CAPZA2: variants seen among roughly 807,000 people sequenced by gnomAD.
The protein encoded by CAPZA2 is F-actin-capping protein subunit alpha-2.
CAPZA2 carries 13 observed loss-of-function variants against 44.0 expected under a neutral mutation model. The ratio of observed to expected loss-of-function variants is 0.30; its 90% CI spans 0.19 to 0.47. The LOEUF is 0.47. CAPZA2 is among the 20% of genes least tolerant of loss of function. The pLI is 1.00. For missense variants in CAPZA2, 244 were observed against 338.6 expected, an observed-to-expected ratio of 0.72 and a Z score of 2.19; for synonymous variants, 94 against 108.2, an observed-to-expected ratio of 0.87 and a Z score of 0.81.
chr7:116,903,819 T>G (rs1797026016), intron 4 of CAPZA2, among the ~76,000 whole-genome samples: 1 of 152,186 alleles, frequency 6.6e-6, no homozygotes. Context: ...TTCTCACAAG[T>G]TCTGTAGTTT....
At chr7:116,867,538 T>C (rs1396043406) in intron 1 of CAPZA2, among the ~76,000 whole-genome samples, 2 of 152,028 alleles carry the variant, frequency 1.3e-5, no homozygotes, top group Non-Finnish European at 1.5e-5. Flanking sequence ...GTGCTGTGAA[T>C]TTAGAGAGAC....
chr7:116,899,800 A>G (rs1796972617), intron 4 of CAPZA2, among the ~76,000 whole-genome samples: 1 of 151,660 alleles, frequency 6.6e-6, no homozygotes, highest in Admixed American at 6.6e-5. Context: ...GATAGCCTCC[A>G]AAGTCACTTT....
intron 7 of CAPZA2, among the ~76,000 whole-genome samples, chr7:116,910,934 T>C (rs1377008718): frequency 7.3e-6 from 1 of 136,336 alleles, no homozygotes; most frequent in Non-Finnish European, 1.5e-5. Context: ...GAGGTTGCAG[T>C]GAGCCGAGAT....
intron 1 of CAPZA2, among the ~76,000 whole-genome samples, chr7:116,863,157 C>G (rs1252053822): frequency 6.6e-6 from 1 of 152,224 alleles, no homozygotes; most frequent in African/African-American, 2.4e-5. Flanking sequence ...CTCCCTTCTA[C>G]TTCCCCCTCC....
intron 1 of CAPZA2, among the ~76,000 whole-genome samples, chr7:116,881,738 C>CA (rs71148338): frequency 0.26 from 11,995 of 46,788 alleles, 1,442 homozygotes; most frequent in East Asian, 0.44. Flanking sequence ...GACTCTGTCT[C>CA]AAAAAAAAAA....
rs1434099075 is a variant in CAPZA2 at position 116,901,470 on chromosome 7, A to G, written c.219+2635A>G. 3.3e-5 allele frequency among the ~76,000 whole-genome samples: 5 copies of G among 152,116 alleles called. No homozygotes were observed. The South Asian group carries it at 8.3e-4, about 25-fold the overall frequency. Reference sequence around the variant, plus strand: ...TAGTGGGAGATAATGATGAGAACACATGACACATAGAGGGGAACAAAACAC... The same window carrying G: ...TAGTGGGAGATAATGATGAGAACACGTGACACATAGAGGGGAACAAAACAC... On this transcript the variant is annotated intron_variant, in intron 4 of 9. Transcript: ENST00000361183.
chr7:116,897,237 T>G (rs1796939747), intron 3 of CAPZA2, among the ~76,000 whole-genome samples: 1 of 152,206 alleles, frequency 6.6e-6, no homozygotes. Flanking sequence ...TTAAACATAC[T>G]TTTGGGATAA....
chr7:116,904,485 T>A, intron 5 of CAPZA2, 102 bp downstream of exon 5: 1 of 701,764 alleles, frequency 1.4e-6, no homozygotes, highest in Non-Finnish European at 2.4e-6. Context: ...ATTGTATAAT[T>A]TGTCATTTTT....
At chr7:116,877,039 C>G (rs952847492) in intron 1 of CAPZA2, among the ~76,000 whole-genome samples, 1 of 152,150 alleles carries the variant, frequency 6.6e-6, no homozygotes, top group Non-Finnish European at 1.5e-5. Flanking sequence ...TGTCTGTTCC[C>G]TGTGATAAAA....
rs1367227951 is a variant in CAPZA2 at position 116,863,449 on chromosome 7, A to C, written c.39+799A>C. Among the ~76,000 whole-genome samples the C allele has an allele frequency of 2.6e-5, 4 of 152,082 alleles. No individual in the cohort carries two copies. The East Asian group carries it at 7.7e-4, about 29-fold the overall frequency. On this transcript the variant is annotated intron_variant, in intron 1 of 9. Coordinates refer to ENST00000361183, the MANE Select transcript of CAPZA2 (RefSeq NM_006136.3). ...TCTTCCGAAGAGGGGAAAATGTGCA[A>C]CTCCTTTTACTGTATATTAGATGCT...
At chr7:116,872,007 T>C (rs1416514166) in intron 1 of CAPZA2, among the ~76,000 whole-genome samples, 1 of 152,098 alleles carries the variant, frequency 6.6e-6, no homozygotes, top group Non-Finnish European at 1.5e-5. Flanking sequence ...TTGTTGTTGT[T>C]GTTTTAAAGC....
chr7:116,888,305 A>C (rs1352952662), intron 2 of CAPZA2, 115 bp downstream of exon 2: 5 of 639,430 alleles, frequency 7.8e-6, no homozygotes, highest in Non-Finnish European at 1.3e-5. Context: ...TGTTTTCTGA[A>C]TTACAATGAC....
Position 116,918,371 on chromosome 7 carries a change from G to A in CAPZA2, c.*504G>A, listed in dbSNP as rs1791713072. The stretch of plus-strand genomic sequence containing the variant: ...ATTTATGTAAAGTTGAGATTAGAGG[G>A]AAAGCATTTTCTATATCAATTGTGT... On this transcript the variant is annotated 3_prime_UTR_variant, in exon 10 of 10. Coordinates refer to ENST00000361183, the MANE Select transcript of CAPZA2 (RefSeq NM_006136.3). The A allele has an allele frequency of 6.5e-6, 1 of 153,624 alleles. No homozygotes were observed. Among genetic ancestry groups the A allele is most frequent in the Non-Finnish European group, 1.5e-5 (1 of 68,700 alleles). 9.5% of individuals were successfully genotyped at this position (153,624 alleles called of 1,614,324 possible).
intron 1 of CAPZA2, among the ~76,000 whole-genome samples, chr7:116,881,960 TG>T (rs768359928): frequency 2.6e-5 from 4 of 152,154 alleles, no homozygotes; most frequent in Non-Finnish European, 5.9e-5. Context: ...AAGTTTAGTT[TG>T]TTTCCTGATA....
In CAPZA2 at chr7:116,916,265, A is replaced by T. The variant is rs180957494; in HGVS notation, c.720+143A>T. On this transcript the variant is annotated intron_variant, in intron 9 of 9. Transcript: ENST00000361183. Reference sequence around the variant, plus strand: ...GTGTCTGCTTTTAACACAAAGGCAGACTTACTAATGTGTAGGCAAAAAGAG... The same window carrying T: ...GTGTCTGCTTTTAACACAAAGGCAGTCTTACTAATGTGTAGGCAAAAAGAG... 197 of 793,138 alleles carry T rather than the reference A, an allele frequency of 2.5e-4. 1 individual carries two copies. The East Asian group carries it at 6.8e-3, about 27-fold the overall frequency. The allele number at this position is 793,138 out of a possible 1,614,324, so 49.1% of individuals were successfully genotyped here.
intron 4 of CAPZA2, among the ~76,000 whole-genome samples, chr7:116,903,249 T>A (rs1036118867): frequency 6.6e-6 from 1 of 151,798 alleles, no homozygotes; most frequent in Admixed American, 6.6e-5. Context: ...TGTGTGTGTG[T>A]GTGTGTGTGT....
At chr7:116,917,233 C>A (rs1333038823) in intron 9 of CAPZA2, among the ~76,000 whole-genome samples, 1 of 151,814 alleles carries the variant, frequency 6.6e-6, no homozygotes. Flanking sequence ...GCTTTTTCTT[C>A]TAGCTGCTTT....
At chr7:116,867,510 A>G (rs1796496768) in intron 1 of CAPZA2, among the ~76,000 whole-genome samples, 1 of 151,908 alleles carries the variant, frequency 6.6e-6, no homozygotes, top group South Asian at 2.1e-4. Context: ...CATTTTCAAT[A>G]CGTATTGTTA....
intron 7 of CAPZA2, among the ~76,000 whole-genome samples, chr7:116,911,365 TTAG>T (rs1430022740): frequency 6.6e-6 from 1 of 152,200 alleles, no homozygotes; most frequent in Non-Finnish European, 1.5e-5. Context: ...GTAAGACCAT[TTAG>T]TAGTACACTC....
Sources: gnomAD v4.1 joint callset for allele counts (sites outside exome capture counted in the v4.1 genomes callset) on GRCh38, gnomAD v4.1.1 for gene constraint, MANE v1.5 for transcripts, NCBI Gene and HGNC (gene_info 2026-07-23, HGNC 2026-07-21) for gene names.